The following CCDC88A variants were observed in gnomAD, a reference collection of about 807,000 sequenced individuals.
CCDC88A encodes girdin.
A neutral mutation model predicts 234.3 loss-of-function variants in CCDC88A; 54 were observed. That is an observed-to-expected ratio of 0.23 (90% CI 0.19 to 0.29). CCDC88A has a LOEUF of 0.29. Ranked by LOEUF, CCDC88A falls within the 10% of genes least tolerant of loss-of-function variation. The probability of loss-of-function intolerance (pLI) is 1.00; values close to 1 mark genes in which losing one functional copy is unlikely to be tolerated. For synonymous variants in CCDC88A, 753 were observed against 737.8 expected, an observed-to-expected ratio of 1.02 and a Z score of -0.33; for missense variants, 1,832 against 2,123.4, an observed-to-expected ratio of 0.86 and a Z score of 2.70.
chr2:55,389,033 T>C, intron 2 of CCDC88A, 147 bp from the exon 3 acceptor site: 1 of 287,470 alleles, frequency 3.5e-6, no homozygotes, highest in Non-Finnish European at 6.4e-6. Context: ...GGGCAGATTA[T>C]TACTTTGACA....
Position 55,328,194 on chromosome 2 carries a change from CAATAA to C in CCDC88A, c.2997+95_2997+99del, listed in dbSNP as rs1334887668. 3.1e-5 allele frequency: 28 copies of C among 903,210 alleles called. No homozygotes were observed. Among genetic ancestry groups the C allele is most frequent in the African/African-American group, 6.9e-5 (4 of 58,174 alleles). The allele number at this position is 903,210 out of a possible 1,614,324, so 55.9% of individuals were successfully genotyped here. A position where few individuals can be genotyped will look rare whatever the true frequency, so the allele number is the denominator to read the frequency against. The stretch of plus-strand genomic sequence containing the variant: ...AAAAAGGAAGAAATAGACTAAATAT[CAATAA>C]AATGTTTATATTTTTATTTTCTACT... On this transcript the variant is annotated intron_variant, in intron 17 of 32. Coordinates refer to ENST00000436346, the MANE Select transcript of CCDC88A (RefSeq NM_001365480.1). The surrounding 1 kb of genome is among the most constrained non-coding windows in gnomAD (Gnocchi z 4.3).
chr2:55,328,224 T>A lies in CCDC88A; in HGVS notation c.2997+70A>T. 1.8e-6 allele frequency: 2 copies of A among 1,142,486 alleles called. No individual in the cohort carries two copies. The highest frequency in any genetic ancestry group is 2.5e-6 in the Non-Finnish European group (2 of 812,200). The allele number at this position is 1,142,486 out of a possible 1,614,324, so 70.8% of individuals were successfully genotyped here. On this transcript the variant is annotated intron_variant, in intron 17 of 32. Transcript: ENST00000436346. The surrounding 1 kb of genome is among the most constrained non-coding windows in gnomAD (Gnocchi z 4.3). ...AAATGTTTATATTTTTATTTTCTAC[T>A]TTATATTTTTCTGTCCAAATATTTA...
At chr2:55,329,759 C>A (rs1326402395) in intron 16 of CCDC88A, 2 of 152,160 alleles carry the variant, frequency 1.3e-5, no homozygotes, top group Admixed American at 1.3e-4. Flanking sequence ...GTTTACAACT[C>A]TACCACTTTA....
In CCDC88A at chr2:55,332,471, A is replaced by G. The variant is rs1685034793; in HGVS notation, c.2855+95T>C. On this transcript the variant is annotated intron_variant, in intron 16 of 32. Transcript: ENST00000436346. This position sits in a 1 kb window ranked among gnomAD's most constrained non-coding sequence, Gnocchi z 4.5. ...AGGAACCAGAAATAGGGTGAAATAT[A>G]TAAATGTTTTCTATAGCTAGTACAG... 1.3e-6 allele frequency: 2 copies of G among 1,492,844 alleles called. No homozygotes were observed. The highest frequency in any genetic ancestry group is 2.8e-5 in the South Asian group (2 of 72,322). The allele number at this position is 1,492,844 out of a possible 1,614,324, so 92.5% of individuals were successfully genotyped here. A position where few individuals can be genotyped will look rare whatever the true frequency, so the allele number is the denominator to read the frequency against.
intron 10 of CCDC88A, 81 bp downstream of exon 10, chr2:55,346,094 C>T: frequency 1.1e-6 from 1 of 945,992 alleles, no homozygotes; most frequent in Non-Finnish European, 1.6e-6. Context: ...AAGAGTTTCT[C>T]ATGTTTATTA....
intron 9 of CCDC88A, chr2:55,348,593 T>A (rs902557314): frequency 6.6e-6 from 1 of 152,190 alleles, no homozygotes; most frequent in African/African-American, 2.4e-5. Flanking sequence ...TTTTAAAACT[T>A]CATAGTTTTA....
intron 2 of CCDC88A, among the ~76,000 whole-genome samples, chr2:55,389,819 T>C (rs1164702885): frequency 6.6e-6 from 1 of 151,796 alleles, no homozygotes; most frequent in Non-Finnish European, 1.5e-5. Context: ...GGCTGGTGGA[T>C]CACCTGAGGT....
At chr2:55,387,795 A>G (rs1385532061) in intron 3 of CCDC88A, among the ~76,000 whole-genome samples, 5 of 150,662 alleles carry the variant, frequency 3.3e-5, no homozygotes, top group Non-Finnish European at 4.4e-5. Flanking sequence ...AAAAAAAAAA[A>G]AAAAGAAAAA....
rs1020291545 is a variant in CCDC88A, at chr2:55,316,523, C to T, written c.3747-409G>A. On this transcript the variant is annotated intron_variant, in intron 21 of 32. Transcript: ENST00000436346. ...TTGAGGCCAGGAGTTTGTGAGCAAC[C>T]GTGGGGATCACAGGAGACCCTATTT... Among the ~76,000 whole-genome samples, 8 of 152,010 alleles carry T rather than the reference C, an allele frequency of 5.3e-5. No homozygotes were observed. In the East Asian group the frequency reaches 7.7e-4, roughly 15 times the overall value.
intron 17 of CCDC88A, among the ~76,000 whole-genome samples, chr2:55,326,469 A>G (rs1030672477): frequency 6.6e-6 from 1 of 152,226 alleles, no homozygotes; most frequent in Non-Finnish European, 1.5e-5. Flanking sequence ...CTCTTCACAT[A>G]TAGTATTAAA....
chr2:55,415,469 G>C (rs899634778), intron 2 of CCDC88A, among the ~76,000 whole-genome samples: 1 of 152,160 alleles, frequency 6.6e-6, no homozygotes, highest in African/African-American at 2.4e-5. Flanking sequence ...CAATCGATGG[G>C]AAACAAGCAT....
chr2:55,362,897 C>T (rs1558744163), intron 6 of CCDC88A, among the ~76,000 whole-genome samples: 2 of 151,818 alleles, frequency 1.3e-5, no homozygotes, highest in Non-Finnish European at 2.9e-5. Flanking sequence ...ATGACACTGT[C>T]ACAGAAGCTT....
intron 17 of CCDC88A, among the ~76,000 whole-genome samples, chr2:55,327,580 G>C (rs905458712): frequency 1.3e-5 from 2 of 152,176 alleles, no homozygotes; most frequent in Non-Finnish European, 1.5e-5. Context: ...AGTGTTCTGA[G>C]TACAGCGATT....
At chr2:55,372,176 C>T (rs887260211) in intron 5 of CCDC88A, among the ~76,000 whole-genome samples, 38 of 151,990 alleles carry the variant, frequency 2.5e-4, no homozygotes, top group African/African-American at 9.2e-4. Context: ...TCTGAAAAAA[C>T]CTCAAAAATT....
intron 3 of CCDC88A, among the ~76,000 whole-genome samples, chr2:55,379,659 A>G (rs4672030): frequency 0.9 from 137,692 of 152,204 alleles, 62,454 homozygotes; most frequent in Admixed American, 0.95. Flanking sequence ...TGGGCACAGC[A>G]GCTCACGCCT....
At chr2:55,367,623 C>T (rs916629121) in intron 5 of CCDC88A, among the ~76,000 whole-genome samples, 6 of 147,284 alleles carry the variant, frequency 4.1e-5, no homozygotes, top group Admixed American at 1.4e-4. Context: ...CCTTGAACTC[C>T]TGGCCTCAAG....
At chr2:55,355,441 T>C in intron 8 of CCDC88A, 138 bp downstream of exon 8, 1 of 707,486 alleles carries the variant, frequency 1.4e-6, no homozygotes, top group Non-Finnish European at 2.4e-6. Context: ...GAAAACCTTA[T>C]GCCAACCTCC....
At position 55,332,917 on chromosome 2, in the gene CCDC88A, G is replaced by A. The variant is rs1323110279; in HGVS notation, c.2728-224C>T. ...ATACTTTAAACAAAACCTTAAAAGGGAGTAGTAACTCTTTACTTGTGAATA... is the reference window on the plus strand; with the variant it reads ...ATACTTTAAACAAAACCTTAAAAGGAAGTAGTAACTCTTTACTTGTGAATA... On this transcript the variant is annotated intron_variant, in intron 15 of 32. Transcript: ENST00000436346. The surrounding 1 kb of genome is among the most constrained non-coding windows in gnomAD (Gnocchi z 4.5). Among the ~76,000 whole-genome samples the A allele has an allele frequency of 6.6e-6, 1 of 152,090 alleles. No individual in the cohort carries two copies. Among genetic ancestry groups the A allele is most frequent in the Non-Finnish European group, 1.5e-5 (1 of 68,006 alleles).
At chr2:55,359,532 T>A (rs913864126) in intron 7 of CCDC88A, among the ~76,000 whole-genome samples, 2 of 151,594 alleles carry the variant, frequency 1.3e-5, no homozygotes, top group Non-Finnish European at 2.9e-5. Flanking sequence ...CAAAATAATC[T>A]GACGGGAAAT....
Sources: gnomAD v4.1 joint callset for allele counts (sites outside exome capture counted in the v4.1 genomes callset) on GRCh38, gnomAD v4.1.1 for gene constraint, Gnocchi (gnomAD v3.1) non-coding constraint, MANE v1.5 for transcripts, NCBI Gene and HGNC (gene_info 2026-07-23, HGNC 2026-07-21) for gene names.